Variants in RIC1 observed in about 807,000 individuals in gnomAD.
RIC1 encodes RIC1 partner of RAB6A GEF complex, also known as guanine nucleotide exchange factor subunit RIC1.
A neutral mutation model predicts 169.0 loss-of-function variants in RIC1; 88 were observed. The observed-to-expected ratio is 0.52, with a 90% confidence interval of 0.44 to 0.62. RIC1 has a LOEUF of 0.62. Ranked by LOEUF, RIC1 falls within the 20% of genes least tolerant of loss-of-function variation. The pLI is 0.00. For missense variants in RIC1, 1,877 were observed against 1,725.5 expected (o/e 1.09, Z -1.56); for synonymous variants, 790 against 601.5 (o/e 1.31, Z -4.59).
At chr9:5,717,786 G>A (rs1823345018) in intron 4 of RIC1, among the ~76,000 whole-genome samples, 2 of 151,284 alleles carry the variant, frequency 1.3e-5, no homozygotes, top group Non-Finnish European at 2.9e-5. Context: ...TCAGTGAGCT[G>A]AGATCGCGCC....
chr9:5,770,002 G>A, intron 22 of RIC1, 85 bp from the exon 23 acceptor site: 1 of 1,220,250 alleles, frequency 8.2e-7, no homozygotes, highest in Non-Finnish European at 1.1e-6. Context: ...GCAGGTAGGG[G>A]AAGCTAAAAG....
Position 5,731,616 on chromosome 9 carries a change from CAGAT to C in RIC1, c.721-769_721-766del, listed in dbSNP as rs751926559. On this transcript the variant is annotated intron_variant, in intron 6 of 25. Transcript: ENST00000414202. ...ATCATCTAAAATGTCTGTGATTTGA[CAGAT>C]AGGAGCAAACAACTGAGCTGAATCT... Among the ~76,000 whole-genome samples, 15 of 152,224 alleles carry C rather than the reference CAGAT, an allele frequency of 9.9e-5. No homozygotes were observed. In the South Asian group the frequency reaches 1.2e-3, roughly 13 times the overall value.
intron 4 of RIC1, among the ~76,000 whole-genome samples, chr9:5,716,163 A>G (rs1169166962): frequency 6.6e-6 from 1 of 152,104 alleles, no homozygotes; most frequent in Non-Finnish European, 1.5e-5. Flanking sequence ...AAATTTAAAC[A>G]TACATTTAAC....
At chr9:5,646,266 T>C (rs1225762078) in intron 1 of RIC1, among the ~76,000 whole-genome samples, 1 of 152,164 alleles carries the variant, frequency 6.6e-6, no homozygotes. Flanking sequence ...TTTTCTTGGG[T>C]TATTTTTTGT....
chr9:5,660,557 A>G (rs1482210752), intron 2 of RIC1, among the ~76,000 whole-genome samples: 2 of 152,192 alleles, frequency 1.3e-5, no homozygotes, highest in East Asian at 3.9e-4. Context: ...GGCTTGTGTG[A>G]GACGGTATCT....
intron 6 of RIC1, among the ~76,000 whole-genome samples, chr9:5,722,983 G>C (rs1823705103): frequency 6.6e-6 from 1 of 152,204 alleles, no homozygotes. Context: ...TTGGTACCAA[G>C]TCTTTGCTAT....
chr9:5,742,791 T>A (rs1480629991), intron 8 of RIC1, 78 bp from the exon 9 acceptor site: 1 of 1,214,458 alleles, frequency 8.2e-7, no homozygotes, highest in African/African-American at 1.9e-5. Context: ...AAATACAGAT[T>A]GTATTTGAAA....
At chr9:5,652,222 G>C (rs1273823267) in intron 1 of RIC1, among the ~76,000 whole-genome samples, 1 of 152,168 alleles carries the variant, frequency 6.6e-6, no homozygotes, top group Middle Eastern at 3.2e-3. Flanking sequence ...TGAATTTTAG[G>C]CTTGTGTTTT....
rs543127107 is a variant in RIC1, at chr9:5,750,779, A to T, written c.1453-2421A>T. On this transcript the variant is annotated intron_variant, in intron 12 of 25. Transcript: ENST00000414202. The stretch of plus-strand genomic sequence containing the variant: ...TCATGACCTGTTTTTTTTGTCACTG[A>T]TCAGCTGCCTCTTCCTTACTTCTGC... Among the ~76,000 whole-genome samples the T allele has an allele frequency of 9.2e-5, 14 of 151,588 alleles. No individual in the cohort carries two copies. The East Asian group carries it at 1.9e-3, about 21-fold the overall frequency.
intron 21 of RIC1, among the ~76,000 whole-genome samples, chr9:5,766,655 G>A (rs573208786): frequency 4.5e-4 from 69 of 152,208 alleles, no homozygotes; most frequent in Non-Finnish European, 7.8e-4. Context: ...ATCTCATCAG[G>A]TCACTGCAAA....
chr9:5,722,811 G>A (rs934401896), intron 6 of RIC1, among the ~76,000 whole-genome samples: 2 of 151,970 alleles, frequency 1.3e-5, no homozygotes, highest in Admixed American at 6.6e-5. Flanking sequence ...TACGGTGTTT[G>A]GTTTTTTGTC....
At position 5,709,650 on chromosome 9, in the gene RIC1, C is replaced by T. The variant is rs141727824; in HGVS notation, c.333-4246C>T. On this transcript the variant is annotated intron_variant, in intron 3 of 25. Transcript: ENST00000414202. ...TGGCTTCAACTTATTCTTCTAGCCT[C>T]ATCTTCTGTGACTCTCTTCCAGTCA... Among the ~76,000 whole-genome samples, 24 of 152,338 alleles carry T rather than the reference C, an allele frequency of 1.6e-4. No individual in the cohort carries two copies. The East Asian group carries it at 4.4e-3, about 28-fold the overall frequency.
At position 5,742,846 on chromosome 9, in the gene RIC1, C is replaced by G. The variant is rs763824450; in HGVS notation, c.902-23C>G. 3.6e-6 allele frequency: 5 copies of G among 1,386,128 alleles called. No individual in the cohort carries two copies. In the Admixed American group the frequency reaches 9.6e-5, roughly 27 times the overall value. The allele number at this position is 1,386,128 out of a possible 1,614,324, so 85.9% of individuals were successfully genotyped here. ...TTCTGAAGCAACTATTTATTTTTAA[C>G]TCTTCTCACTATTTCCTAACAGACA... On this transcript the variant is annotated intron_variant, in intron 8 of 25. Coordinates refer to ENST00000414202, the MANE Select transcript of RIC1 (RefSeq NM_020829.4).
At chr9:5,739,698 G>A (rs1422933797) in intron 8 of RIC1, among the ~76,000 whole-genome samples, 3 of 152,162 alleles carry the variant, frequency 2.0e-5, no homozygotes, top group Admixed American at 6.5e-5. Flanking sequence ...AAAGGTGGAA[G>A]GGCTAATGGC....
intron 6 of RIC1, among the ~76,000 whole-genome samples, chr9:5,728,225 A>T (rs1369862692): frequency 6.6e-6 from 1 of 152,162 alleles, no homozygotes; most frequent in African/African-American, 2.4e-5. Flanking sequence ...TTGTTTACCT[A>T]TTCAAGCCTT....
At chr9:5,685,170 A>G (rs60132955) in intron 2 of RIC1, among the ~76,000 whole-genome samples, 2,022 of 151,146 alleles carry the variant, frequency 0.013, 52 homozygotes, top group African/African-American at 0.047. Flanking sequence ...ATGGGTAGGA[A>G]GAATCAATAT....
At chr9:5,743,762 G>T (rs1346478727) in intron 10 of RIC1, 25 bp downstream of exon 10, 1 of 1,542,900 alleles carries the variant, frequency 6.5e-7, no homozygotes, top group Non-Finnish European at 8.8e-7. Context: ...TAAAAAATTG[G>T]CATGGTATTA....
chr9:5,744,638 A>G (rs1825275586), intron 10 of RIC1, among the ~76,000 whole-genome samples: 1 of 152,142 alleles, frequency 6.6e-6, no homozygotes, highest in Non-Finnish European at 1.5e-5. Context: ...TGTACATAAA[A>G]CAAAATTTTG....
chr9:5,732,366 T>C (rs948818624), intron 6 of RIC1, 22 bp from the exon 7 acceptor site: 3 of 1,578,092 alleles, frequency 1.9e-6, no homozygotes, highest in Middle Eastern at 3.3e-4. Context: ...TTTTAAGCCT[T>C]AACTATTTTT....
Sources: allele counts gnomAD v4.1 joint callset (sites outside exome capture counted in the v4.1 genomes callset), GRCh38; gene constraint gnomAD v4.1.1; transcripts MANE v1.5; gene names NCBI Gene and HGNC (gene_info 2026-07-23, HGNC 2026-07-21).